The following ATRX variants were observed in gnomAD, a reference collection of about 807,000 sequenced individuals.
ATRX encodes the protein ATRX chromatin remodeler.
ATRX carries 12 observed loss-of-function variants against 172.6 expected under a neutral mutation model. That is an observed-to-expected ratio of 0.07 (90% confidence interval 0.04 to 0.11). The LOEUF (loss-of-function observed/expected upper bound fraction) is 0.11. Among genes scored for constraint, ATRX ranks in the 10% least tolerant of loss-of-function variants. The probability of loss-of-function intolerance (pLI) is 1.00; values close to 1 mark genes in which losing one functional copy is unlikely to be tolerated. For missense variants in ATRX, 1,368 were observed against 1,767.4 expected (o/e 0.77, Z 4.05); for synonymous variants, 674 against 594.7 (o/e 1.13, Z -1.94).
chrX:77,615,021 C>G (rs2148234134), intron 22 of ATRX, among the ~76,000 whole-genome samples: 1 of 110,508 alleles, frequency 9.0e-6, no homozygotes, highest in South Asian at 3.8e-4. Context: ...GTTGTTGAGA[C>G]AAGGTAGTGC....
intron 5 of ATRX, among the ~76,000 whole-genome samples, chrX:77,695,961 T>C (rs968573008): frequency 6.2e-5 from 7 of 112,075 alleles, no homozygotes; most frequent in Non-Finnish European, 1.1e-4. Context: ...CATCCAATTA[T>C]ATTGCTCTCA....
At chrX:77,579,286 T>G (rs2065741838) in intron 27 of ATRX, among the ~76,000 whole-genome samples, 1 of 112,357 alleles carries the variant, frequency 8.9e-6, no homozygotes, top group African/African-American at 3.2e-5. Context: ...CCCTTGGGCC[T>G]TGAGCAAACA....
chrX:77,630,537 G>A (rs2068060150), intron 19 of ATRX, among the ~76,000 whole-genome samples: 1 of 112,129 alleles, frequency 8.9e-6, no homozygotes, highest in Non-Finnish European at 1.9e-5. Flanking sequence ...CATAAGGACA[G>A]ACATATAGAT....
intron 22 of ATRX, among the ~76,000 whole-genome samples, chrX:77,609,144 A>G (rs951738418): frequency 1.8e-5 from 2 of 111,934 alleles, no homozygotes; most frequent in Non-Finnish European, 3.8e-5. Context: ...GGGAATGTAA[A>G]TTAGTACAAC....
chrX:77,595,104 T>C (rs1270453683), intron 25 of ATRX: 1 of 112,287 alleles, frequency 8.9e-6, no homozygotes, highest in East Asian at 2.8e-4. Flanking sequence ...TGATTAGGAA[T>C]TTTAAAAATA....
chrX:77,533,474 T>C (rs1244609072), intron 30 of ATRX, among the ~76,000 whole-genome samples: 2 of 112,083 alleles, frequency 1.8e-5, no homozygotes, highest in Non-Finnish European at 3.8e-5. Flanking sequence ...CAAGATCATG[T>C]CCTTTGCAGG....
intron 1 of ATRX, among the ~76,000 whole-genome samples, chrX:77,758,961 A>G (rs1706323549): frequency 8.9e-6 from 1 of 111,880 alleles, no homozygotes; most frequent in Admixed American, 9.6e-5. Flanking sequence ...AAGATGGGAC[A>G]TTCTTTGGTT....
chrX:77,689,086 A>G (rs1207465232), intron 6 of ATRX, among the ~76,000 whole-genome samples, 159 bp from the exon 7 acceptor site: 1 of 112,585 alleles, frequency 8.9e-6, no homozygotes, highest in Admixed American at 9.4e-5. Context: ...TATTTTATCG[A>G]CTTACTAAGC....
At chrX:77,727,428 C>T (rs1488796384) in intron 1 of ATRX, among the ~76,000 whole-genome samples, 1 of 111,498 alleles carries the variant, frequency 9.0e-6, no homozygotes, top group Non-Finnish European at 1.9e-5. Context: ...TTGGAACCAA[C>T]CCAAATACCT....
intron 1 of ATRX, among the ~76,000 whole-genome samples, chrX:77,779,091 A>ATTTTT (rs1169146207): frequency 6.4e-5 from 4 of 62,752 alleles, no homozygotes; most frequent in African/African-American, 1.3e-4. Context: ...CCATGCCCGG[A>ATTTTT]TTTTTTTTTT....
intron 10 of ATRX, among the ~76,000 whole-genome samples, chrX:77,669,516 C>T (rs1245338839): frequency 9.0e-6 from 1 of 110,938 alleles, no homozygotes; most frequent in Non-Finnish European, 1.9e-5. Context: ...TAGAAACAGG[C>T]TTTCACCATG....
At position 77,573,650 on chromosome X, in the gene ATRX, T is replaced by A. The variant is rs782584653; in HGVS notation, c.6326+600A>T. Among the ~76,000 whole-genome samples the A allele has an allele frequency of 9.9e-5, 11 of 111,418 alleles. No homozygotes were observed. In the South Asian group the frequency reaches 4.1e-3, roughly 41 times the overall value. On this transcript the variant is annotated intron_variant, in intron 28 of 34. Coordinates refer to ENST00000373344, the MANE Select transcript of ATRX (RefSeq NM_000489.6). ...ATTAGAATGAGTAAAATAATTTTTT[T>A]AAAAAATGACAATACCATGTACAGA...
At chrX:77,611,535 T>C (rs2067152698) in intron 22 of ATRX, among the ~76,000 whole-genome samples, 1 of 110,691 alleles carries the variant, frequency 9.0e-6, no homozygotes, top group African/African-American at 3.3e-5. Flanking sequence ...ACACTAAATT[T>C]AACTTAATAA....
At chrX:77,536,855 G>A (rs929249792) in intron 30 of ATRX, among the ~76,000 whole-genome samples, 10 of 110,723 alleles carry the variant, frequency 9.0e-5, no homozygotes, top group Middle Eastern at 4.2e-3. Context: ...ACACACACAC[G>A]CACGTGCACA....
At chrX:77,724,325 GA>G (rs782629847) in intron 1 of ATRX, among the ~76,000 whole-genome samples, 4 of 97,263 alleles carry the variant, frequency 4.1e-5, no homozygotes, top group Non-Finnish European at 6.3e-5. Flanking sequence ...TCCAACAGTG[GA>G]AAAAAAAGAA....
chrX:77,624,438 CCT>C (rs1557101756), intron 19 of ATRX, among the ~76,000 whole-genome samples: 1 of 110,802 alleles, frequency 9.0e-6, no homozygotes, highest in African/African-American at 3.3e-5. Flanking sequence ...TCAAACTGTC[CCT>C]GTTTGCTGAC....
chrX:77,713,106 G>A (rs1239570589), intron 2 of ATRX, among the ~76,000 whole-genome samples: 15 of 110,835 alleles, frequency 1.4e-4, no homozygotes, highest in Non-Finnish European at 1.5e-4. Context: ...CTGAGATCAC[G>A]CCACTGAACT....
intron 12 of ATRX, among the ~76,000 whole-genome samples, 160 bp from the exon 13 acceptor site, chrX:77,656,813 C>T (rs1364343006): frequency 8.9e-6 from 1 of 111,743 alleles, no homozygotes; most frequent in African/African-American, 3.3e-5. Context: ...CCAGTTAATG[C>T]TTTACATGAT....
At chrX:77,785,011 TA>T (rs1176897482) in intron 1 of ATRX, among the ~76,000 whole-genome samples, 1 of 111,350 alleles carries the variant, frequency 9.0e-6, no homozygotes, top group African/African-American at 3.3e-5. Flanking sequence ...GCCACCTGGG[TA>T]AAAGTGTATA....
Sources: gnomAD v4.1 joint callset for allele counts (sites outside exome capture counted in the v4.1 genomes callset) on GRCh38, gnomAD v4.1.1 for gene constraint, MANE v1.5 for transcripts, NCBI Gene and HGNC (gene_info 2026-07-23, HGNC 2026-07-21) for gene names.